MGAT4B: variants seen among roughly 807,000 people sequenced by gnomAD.
The protein encoded by MGAT4B is alpha-1,3-mannosyl-glycoprotein 4-beta-N-acetylglucosaminyltransferase B.
In MGAT4B, 38 loss-of-function variants were observed where a neutral mutation model predicts 73.9. The observed-to-expected ratio is 0.51, with a 90% CI of 0.40 to 0.67. The LOEUF (loss-of-function observed/expected upper bound fraction) is 0.67. Among genes scored for constraint, MGAT4B ranks in the 30% least tolerant of loss-of-function variants. The pLI is 0.00. For synonymous variants in MGAT4B, 373 were observed against 313.5 expected, an observed-to-expected ratio of 1.19 and a Z score of -2.01; for missense variants, 686 against 735.2, an observed-to-expected ratio of 0.93 and a Z score of 0.77.
At chr5:179,798,483 T>C in intron 12 of MGAT4B, 30 bp downstream of exon 12, 1 of 1,613,318 alleles carries the variant, frequency 6.2e-7, no homozygotes, top group African/African-American at 1.3e-5. Flanking sequence ...GAGGCCCGGC[T>C]TCAGTGCACA....
At position 179,800,959 on chromosome 5, in the gene MGAT4B, G is replaced by C; in HGVS notation, c.559-6C>G. The C allele has an allele frequency of 6.2e-7, 1 of 1,613,860 alleles. No individual in the cohort carries two copies. On this transcript the variant is annotated splice_region_variant and splice_polypyrimidine_tract_variant and intron_variant, in intron 4 of 14. Coordinates refer to ENST00000292591, the MANE Select transcript of MGAT4B (RefSeq NM_014275.5). ...GAAGTGTACTGTGAGTCAGTCTGTG[G>C]GGAGACCAAGCACCCTCCCTTAGCC...
Position 179,801,007 on chromosome 5 carries a change from G to A in MGAT4B, c.559-54C>T. The A allele has an allele frequency of 6.3e-7, 1 of 1,591,198 alleles. No homozygotes were observed. Among genetic ancestry groups the A allele is most frequent in the Non-Finnish European group, 8.6e-7 (1 of 1,160,110 alleles). The stretch of plus-strand genomic sequence containing the variant: ...GCCCTGCTGCTGCCCCAAAAGGCCT[G>A]GAAGGGCTTGGAGAAGGGGCACAGG... On this transcript the variant is annotated intron_variant, in intron 4 of 14. Coordinates refer to ENST00000292591, the MANE Select transcript of MGAT4B (RefSeq NM_014275.5). The surrounding 1 kb of genome is among the most constrained non-coding windows in gnomAD (Gnocchi z 4.8).
Position 179,801,908 on chromosome 5 carries a change from A to C in MGAT4B, c.159T>G (p.Ala53=), listed in dbSNP as rs941998577. 2 of 1,613,138 alleles carry C rather than the reference A, an allele frequency of 1.2e-6. No individual in the cohort carries two copies. ...FLALRDRLHA[A]EQESLKRSKE... is the part of the protein sequence containing the mutation. ...TGGAGCGCTTGAGGCTCTCCTGCTCAGCTGCGTGCAACCGATCGCGCAGCG... is the reference window on the plus strand; with the variant it reads ...TGGAGCGCTTGAGGCTCTCCTGCTCCGCTGCGTGCAACCGATCGCGCAGCG... The change falls in exon 2 of 15, where the codon GCT becomes GCG. Residue 53 remains alanine, a synonymous_variant. Coordinates refer to ENST00000292591, the MANE Select transcript of MGAT4B (RefSeq NM_014275.5). This position sits in a 1 kb window ranked among gnomAD's most constrained non-coding sequence, Gnocchi z 4.8.
intron 6 of MGAT4B, 85 bp downstream of exon 6, chr5:179,800,399 G>T: frequency 7.0e-7 from 1 of 1,428,696 alleles, no homozygotes. Context: ...GGCACTGCAG[G>T]GAAACACCCT....
intron 8 of MGAT4B, 128 bp from the exon 9 acceptor site, chr5:179,799,764 G>A: frequency 7.0e-7 from 1 of 1,430,228 alleles, no homozygotes; most frequent in Non-Finnish European, 9.7e-7. Flanking sequence ...GGGGCAGGGA[G>A]GCAGACAGGT....
At chr5:179,800,803 C>T (rs1045139765) in intron 5 of MGAT4B, 104 bp downstream of exon 5, 41 of 1,314,596 alleles carry the variant, frequency 3.1e-5, no homozygotes, top group Admixed American at 2.0e-5. Context: ...TGCCTCCCCA[C>T]GAGATAGGAA....
intron 1 of MGAT4B, chr5:179,804,951 C>A (rs1757080279): frequency 6.6e-6 from 1 of 152,266 alleles, no homozygotes; most frequent in Admixed American, 6.5e-5. Context: ...CTCACAGGAT[C>A]CTTAGGCTTC....
Position 179,801,843 on chromosome 5 carries a change from A to ACGGCCCTCTTGATCT in MGAT4B, c.209_223dup (p.Glu70_Ala74dup), listed in dbSNP as rs1177355518. Reference sequence around the variant, plus strand: ...GTCTCGCAGCGCCTGCCTTTCTGACACGGCCCTCTTGATCTCGTCCAGCAC... The same window carrying ACGGCCCTCTTGATCT: ...GTCTCGCAGCGCCTGCCTTTCTGACACGGCCCTCTTGATCTCGGCCCTCTTGATCTCGTCCAGCAC... On this transcript the variant is annotated inframe_insertion, in exon 2 of 15. Transcript: ENST00000292591. The surrounding 1 kb of genome is among the most constrained non-coding windows in gnomAD (Gnocchi z 4.8). 6.2e-7 allele frequency: 1 copy of ACGGCCCTCTTGATCT among 1,607,096 alleles called. No individual in the cohort carries two copies. The highest frequency in any genetic ancestry group is 8.5e-7 in the Non-Finnish European group (1 of 1,175,162).
At chr5:179,802,039 A>T in intron 1 of MGAT4B, 70 bp from the exon 2 acceptor site, 1 of 1,611,512 alleles carries the variant, frequency 6.2e-7, no homozygotes, top group South Asian at 1.1e-5. Flanking sequence ...CCAGTGTGCC[A>T]GCGCACACAT....
At chr5:179,803,125 AG>A (rs1757015617) in intron 1 of MGAT4B, 1 of 985,486 alleles carries the variant, frequency 1.0e-6, no homozygotes, top group Admixed American at 6.2e-5. Flanking sequence ...CCAAGTGACC[AG>A]GGAAGAGGAA....
In MGAT4B at chr5:179,801,832, G is replaced by C. The variant is rs1756957450; in HGVS notation, c.235C>G (p.Gln79Glu). 1 of 1,606,080 alleles carries C rather than the reference G, an allele frequency of 6.2e-7. No individual in the cohort carries two copies. The highest frequency in any genetic ancestry group is 1.3e-5 in the African/African-American group (1 of 74,724). ...DEIKRAVSER[Q>E]ALRDGDGNRT... ...TTGCCGTCTCCGTCTCGCAGCGCCT[G>C]CCTTTCTGACACGGCCCTCTTGATC... is the stretch of plus-strand genomic sequence containing the variant. Residue 79 changes from glutamine (Q) to glutamate (E), a missense_variant, in exon 2 of 15, where the codon CAG (glutamine) becomes GAG (glutamate). By Grantham distance (29) the Gln-to-Glu change is conservative. This residue lies in a region of MGAT4B where 237 missense variants were observed against 198.5 expected (regional missense o/e 1.19). Transcript: ENST00000292591. This position sits in a 1 kb window ranked among gnomAD's most constrained non-coding sequence, Gnocchi z 4.8.
chr5:179,803,633 T>A (rs1319700511), intron 1 of MGAT4B: 2 of 149,716 alleles, frequency 1.3e-5, no homozygotes, highest in Non-Finnish European at 3.0e-5. Flanking sequence ...CACGACTGCC[T>A]CAGATGGACA....
At position 179,797,848 on chromosome 5, in the gene MGAT4B, C is replaced by T. The variant is rs1050628999; in HGVS notation, c.*197G>A. The T allele has an allele frequency of 1.4e-5, 10 of 701,216 alleles. No homozygotes were observed. The highest frequency in any genetic ancestry group is 2.0e-5 in the Non-Finnish European group (9 of 440,598). 43.4% of individuals were successfully genotyped at this position (701,216 alleles called of 1,614,324 possible). On this transcript the variant is annotated 3_prime_UTR_variant, in exon 15 of 15. Coordinates refer to ENST00000292591, the MANE Select transcript of MGAT4B (RefSeq NM_014275.5). The stretch of plus-strand genomic sequence containing the variant: ...ACAGTGTGGGGGCCGCCTGCCTCCT[C>T]CGCGGCCCGGCGGGCGGGGGCAGCA...
In MGAT4B at chr5:179,801,292, C is replaced by G. The variant is rs770315931; in HGVS notation, c.558+42G>C. 3 of 1,578,382 alleles carry G rather than the reference C, an allele frequency of 1.9e-6. No homozygotes were observed. In the Admixed American group the frequency reaches 5.2e-5, roughly 27 times the overall value. On this transcript the variant is annotated intron_variant, in intron 4 of 14. Transcript: ENST00000292591. The surrounding 1 kb of genome is among the most constrained non-coding windows in gnomAD (Gnocchi z 4.8). ...TGCTGTCAGTTCTGCACCGCGGGGG[C>G]TCCTCTGAATGTCCCCCAACCCCGC...
In MGAT4B at chr5:179,801,708, G is replaced by A. The variant is rs1301654638; in HGVS notation, c.284-14C>T. ...ATCGGGGGTCCTCTGGGTGGGTCGG[G>A]AAGGATCGGGACTGAGACCAGGGAA... On this transcript the variant is annotated splice_polypyrimidine_tract_variant and intron_variant, in intron 2 of 14. Transcript: ENST00000292591. This position sits in a 1 kb window ranked among gnomAD's most constrained non-coding sequence, Gnocchi z 4.8. The A allele has an allele frequency of 6.2e-7, 1 of 1,605,924 alleles. No individual in the cohort carries two copies.
At position 179,800,218 on chromosome 5, in the gene MGAT4B, A is replaced by G. The variant is rs752047286; in HGVS notation, c.761T>C (p.Met254Thr). Reference protein sequence around the residue: ...KQNLDYCFLMMYAQSKGIYYV... With the variant: ...KQNLDYCFLMTYAQSKGIYYV... ...GTAGATGCCTTTGGACTGCGCGTAC[A>G]TCATGAGGAAGCAGTAATCGAGGTT... The change falls in exon 7 of 15, where the codon ATG becomes ACG. Residue 254 changes from methionine to threonine, a missense_variant. Around this residue, in one of 2 missense-constraint regions of MGAT4B, gnomAD observed 449 missense variants for 536.8 expected, o/e 0.84. Coordinates refer to ENST00000292591, the MANE Select transcript of MGAT4B (RefSeq NM_014275.5). The G allele has an allele frequency of 3.1e-6, 5 of 1,613,562 alleles. 1 individual carries two copies. Among genetic ancestry groups the G allele is most frequent in the Middle Eastern group, 3.3e-4 (2 of 6,062 alleles).
In MGAT4B at chr5:179,799,112, A is replaced by C; in HGVS notation, c.1159T>G (p.Phe387Val). Residue 387 changes from phenylalanine (F) to valine (V), a missense_variant, in exon 11 of 15, where the codon TTT (phenylalanine) becomes GTT (valine). Transcript: ENST00000292591. Reference protein sequence around the residue: ...GKIQKLKDKDFGKQALRKEHV... With the variant: ...GKIQKLKDKDVGKQALRKEHV... ...TCCTTCCGCAGCGCCTGCTTTCCAA[A>C]GTCTTTGTCCTGCAGCGGAGGAGGG... 1 of 1,613,972 alleles carries C rather than the reference A, an allele frequency of 6.2e-7. No homozygotes were observed. Among genetic ancestry groups the C allele is most frequent in the Non-Finnish European group, 8.5e-7 (1 of 1,180,036 alleles).
At chr5:179,803,409 T>G in intron 1 of MGAT4B, 1 of 345,510 alleles carries the variant, frequency 2.9e-6, no homozygotes, top group Non-Finnish European at 4.1e-6. Context: ...TCCCCAGGGC[T>G]CACCCATTGC....
At chr5:179,802,602 CTG>C (rs1251550534) in intron 1 of MGAT4B, 3 of 989,888 alleles carry the variant, frequency 3.0e-6, no homozygotes, top group Non-Finnish European at 3.6e-6. Flanking sequence ...GCCCTGGTGC[CTG>C]TGTCTCTGGA....
Sources: allele counts gnomAD v4.1 joint callset, GRCh38; gene constraint gnomAD v4.1.1; regional missense constraint gnomAD v4.1.1; non-coding constraint Gnocchi (gnomAD v3.1); transcripts MANE v1.5; gene names NCBI Gene and HGNC (gene_info 2026-07-23, HGNC 2026-07-21).